FRAS1: variants seen among roughly 807,000 people sequenced by gnomAD.
The protein encoded by FRAS1 is extracellular matrix organizing protein FRAS1.
FRAS1 carries 290 observed loss-of-function variants against 435.2 expected under a neutral mutation model. The observed-to-expected ratio is 0.67, with a 90% CI of 0.61 to 0.73. FRAS1 has a LOEUF of 0.73. FRAS1 is among the 30% of genes least tolerant of loss of function. FRAS1 has a pLI of 0.00. For missense variants in FRAS1, 4,860 were observed against 5,001.5 expected, an observed-to-expected ratio of 0.97 and a Z score of 0.85; for synonymous variants, 1,800 against 1,851.0, an observed-to-expected ratio of 0.97 and a Z score of 0.71.
chr4:78,538,953 TA>T (rs10545506), intron 72 of FRAS1, among the ~76,000 whole-genome samples: 6,019 of 133,960 alleles, frequency 0.045, 166 homozygotes, highest in African/African-American at 0.066. Context: ...AGACTCCATC[TA>T]AAAAAAAAAA....
In FRAS1 at chr4:78,225,341, A is replaced by G. The variant is rs372502059; in HGVS notation, c.109-12169A>G. Among the ~76,000 whole-genome samples the G allele has an allele frequency of 2.0e-5, 3 of 152,158 alleles. No individual in the cohort carries two copies. The East Asian group carries it at 5.8e-4, about 29-fold the overall frequency. On this transcript the variant is annotated intron_variant, in intron 2 of 73. Transcript: ENST00000512123. ...GAACTCAGAGTTACCTGAGTTTGCA[A>G]TCCATCTCAAGATTATGGACCATGT...
chr4:78,499,102 G>A (rs1043301037), intron 60 of FRAS1, among the ~76,000 whole-genome samples: 6 of 152,104 alleles, frequency 3.9e-5, no homozygotes, highest in African/African-American at 1.4e-4. Context: ...GATTCCATTA[G>A]GAAATCTTGT....
intron 47 of FRAS1, among the ~76,000 whole-genome samples, chr4:78,458,858 A>C (rs1719284465): frequency 6.6e-6 from 1 of 152,210 alleles, no homozygotes; most frequent in South Asian, 2.1e-4. Context: ...GAGATGACAA[A>C]AAAATACAAT....
rs2109856312 is a variant in FRAS1 at position 78,477,898 on chromosome 4, C to T, written c.7935C>T (p.Phe2645=). The change falls in exon 55 of 74, where the codon TTC becomes TTT. Residue 2645 remains phenylalanine (F), a synonymous_variant. Transcript: ENST00000512123. ...ACGTGTTTGAAAATGTTGAGAGTTT[C>T]ACTGTGGAGCTCAGCATGCCAGCTT... ...DDDVFENVES[F]TVELSMPAYA... is the part of the protein sequence containing the mutation. The T allele has an allele frequency of 6.2e-7, 1 of 1,613,600 alleles. No individual in the cohort carries two copies. Among genetic ancestry groups the T allele is most frequent in the South Asian group, 1.1e-5 (1 of 90,948 alleles).
intron 2 of FRAS1, among the ~76,000 whole-genome samples, chr4:78,205,485 C>T (rs12649696): frequency 0.34 from 51,819 of 152,038 alleles, 8,854 homozygotes; most frequent in Admixed American, 0.37. Context: ...TGAGCAACTG[C>T]GTCCAGCCTA....
At chr4:78,168,509 A>T (rs1003891538) in intron 2 of FRAS1, among the ~76,000 whole-genome samples, 6 of 149,970 alleles carry the variant, frequency 4.0e-5, no homozygotes, top group East Asian at 3.9e-4. Context: ...AAAACTTCAA[A>T]TTTTTTTTTT....
At chr4:78,489,127 T>G in intron 59 of FRAS1, 47 bp downstream of exon 59, 1 of 1,545,998 alleles carries the variant, frequency 6.5e-7, no homozygotes, top group African/African-American at 1.4e-5. Flanking sequence ...CTTATTGTCT[T>G]TATTTGTCTG....
chr4:78,262,355 T>C (rs1319909774), intron 6 of FRAS1, among the ~76,000 whole-genome samples: 1 of 152,278 alleles, frequency 6.6e-6, no homozygotes, highest in African/African-American at 2.4e-5. Context: ...TCTGACTAGA[T>C]GCAGAAAGAA....
At chr4:78,105,899 C>T (rs538089211) in intron 2 of FRAS1, among the ~76,000 whole-genome samples, 6 of 136,404 alleles carry the variant, frequency 4.4e-5, no homozygotes, top group South Asian at 4.5e-4. Flanking sequence ...GCGCACCGTG[C>T]GCGAGCCGAA....
intron 2 of FRAS1, among the ~76,000 whole-genome samples, chr4:78,089,014 G>T (rs1741360097): frequency 6.6e-6 from 1 of 152,072 alleles, no homozygotes; most frequent in African/African-American, 2.4e-5. Context: ...CAATAGCAAA[G>T]ACATGGAACC....
intron 28 of FRAS1, among the ~76,000 whole-genome samples, chr4:78,384,974 T>C (rs1184862813): frequency 6.6e-6 from 1 of 151,592 alleles, no homozygotes; most frequent in Admixed American, 6.6e-5. Context: ...TATCTCTCTC[T>C]AGTATGTGGA....
At chr4:78,221,910 G>A (rs1724066814) in intron 2 of FRAS1, among the ~76,000 whole-genome samples, 1 of 152,160 alleles carries the variant, frequency 6.6e-6, no homozygotes, top group Non-Finnish European at 1.5e-5. Context: ...ACAAATTATA[G>A]TGTTCACTCT....
chr4:78,161,937 G>A (rs1439138944), intron 2 of FRAS1, among the ~76,000 whole-genome samples: 1 of 151,990 alleles, frequency 6.6e-6, no homozygotes, highest in South Asian at 2.1e-4. Flanking sequence ...GCTATTCATA[G>A]AAAGCTGTTA....
At chr4:78,400,571 G>A (rs1455103141) in intron 29 of FRAS1, among the ~76,000 whole-genome samples, 163 bp from the exon 30 acceptor site, 2 of 152,002 alleles carry the variant, frequency 1.3e-5, no homozygotes, top group Non-Finnish European at 2.9e-5. Flanking sequence ...AAATATGCAT[G>A]TCTACACATA....
At chr4:78,315,281 A>T (rs569434343) in intron 15 of FRAS1, among the ~76,000 whole-genome samples, 3 of 152,182 alleles carry the variant, frequency 2.0e-5, no homozygotes, top group Non-Finnish European at 4.4e-5. Flanking sequence ...TTTTTATTTG[A>T]TAAACCTGGC....
chr4:78,385,806 A>G (rs1004041465), intron 28 of FRAS1, among the ~76,000 whole-genome samples: 10 of 150,782 alleles, frequency 6.6e-5, no homozygotes, highest in African/African-American at 2.4e-4. Flanking sequence ...ACTCGCTTGA[A>G]CCCGGGAGGC....
intron 2 of FRAS1, among the ~76,000 whole-genome samples, chr4:78,112,942 A>G (rs1048304828): frequency 6.6e-6 from 1 of 151,962 alleles, no homozygotes; most frequent in Non-Finnish European, 1.5e-5. Context: ...TCGTCATTTA[A>G]CATTAGGTAT....
chr4:78,438,794 C>A, intron 39 of FRAS1, 76 bp downstream of exon 39: 3 of 1,501,194 alleles, frequency 2.0e-6, no homozygotes, highest in Non-Finnish European at 1.8e-6. Flanking sequence ...GGTTGTAGCT[C>A]TGTTGAAAGA....
intron 67 of FRAS1, among the ~76,000 whole-genome samples, chr4:78,520,879 C>T (rs1231198957): frequency 1.3e-5 from 2 of 152,184 alleles, no homozygotes; most frequent in East Asian, 3.9e-4. Context: ...AAAATAACTT[C>T]AGGCAGCTTT....
Sources: allele counts gnomAD v4.1 joint callset (sites outside exome capture counted in the v4.1 genomes callset), GRCh38; gene constraint gnomAD v4.1.1; transcripts MANE v1.5; gene names NCBI Gene and HGNC (gene_info 2026-07-23, HGNC 2026-07-21).